Variants in FHIP2A observed in about 807,000 individuals in gnomAD.
FHIP2A encodes family with sequence similarity 160 member B1.
FHIP2A carries 46 observed loss-of-function variants against 93.5 expected under a neutral mutation model. That is an observed-to-expected ratio of 0.49 (90% confidence interval 0.39 to 0.63). The LOEUF (loss-of-function observed/expected upper bound fraction) is 0.63. FHIP2A is among the 20% of genes least tolerant of loss of function. The probability of loss-of-function intolerance (pLI) is 0.00; values close to 1 mark genes in which losing one functional copy is unlikely to be tolerated. For missense variants in FHIP2A, 769 were observed against 909.7 expected (o/e 0.85, Z 1.99); for synonymous variants, 332 against 326.5 (o/e 1.02, Z -0.18).
chr10:114,864,156 T>A lies in FHIP2A; in HGVS notation c.*2616T>A, dbSNP rs559486555. The A allele has an allele frequency of 1.0e-6, 1 of 982,294 alleles. No individual in the cohort carries two copies. Among genetic ancestry groups the A allele is most frequent in the East Asian group, 1.1e-4 (1 of 8,794 alleles). 60.8% of individuals were successfully genotyped at this position (982,294 alleles called of 1,614,324 possible). ...TAAGGACCAAAATTCTTAGCTCGCT[T>A]ACACTGTTGCTAGTGTAAACATTGT... is the stretch of plus-strand genomic sequence containing the variant. On this transcript the variant is annotated 3_prime_UTR_variant, in exon 17 of 17. Transcript: ENST00000369248.
rs201474247 is a variant in FHIP2A, at chr10:114,843,913, A to C, written c.989A>C (p.Glu330Ala). 6.3e-7 allele frequency: 1 copy of C among 1,578,616 alleles called. No homozygotes were observed. Among genetic ancestry groups the C allele is most frequent in the African/African-American group, 1.4e-5 (1 of 73,184 alleles). Residue 330 changes from glutamate (E) to alanine (A), a missense_variant, in exon 7 of 17, where the codon GAA becomes GCA. Coordinates refer to ENST00000369248, the MANE Select transcript of FHIP2A (RefSeq NM_020940.4). ...CAGTCAGTGGATCCGTTAGATATTGAAACCGTGGAAGCAATTAACTGGGGG... is the reference window on the plus strand; with the variant it reads ...CAGTCAGTGGATCCGTTAGATATTGCAACCGTGGAAGCAATTAACTGGGGG... ...LPQSVDPLDI[E>A]TVEAINWGLD...
intron 1 of FHIP2A, among the ~76,000 whole-genome samples, chr10:114,828,458 C>T (rs891955901): frequency 1.3e-5 from 2 of 152,192 alleles, no homozygotes; most frequent in Non-Finnish European, 2.9e-5. Flanking sequence ...AGCATTTACA[C>T]TTAAGAAATT....
At chr10:114,857,055 G>A (rs2083771060) in intron 14 of FHIP2A, among the ~76,000 whole-genome samples, 1 of 151,822 alleles carries the variant, frequency 6.6e-6, no homozygotes, top group Non-Finnish European at 1.5e-5. Context: ...TGTGCCTAAG[G>A]ATAGCCACTG....
intron 2 of FHIP2A, 58 bp from the exon 3 acceptor site, chr10:114,833,175 G>T (rs767019475): frequency 3.0e-6 from 4 of 1,343,170 alleles, no homozygotes; most frequent in Non-Finnish European, 3.1e-6. Flanking sequence ...AGTATTTTAG[G>T]TGCAAATATG....
chr10:114,865,309 G>C (rs974740604), downstream of FHIP2A, among the ~76,000 whole-genome samples: 4 of 152,080 alleles, frequency 2.6e-5, no homozygotes, highest in African/African-American at 9.7e-5. Flanking sequence ...TTTATTCTAA[G>C]CATTATTTCT....
Position 114,855,196 on chromosome 10 carries a change from G to A in FHIP2A, c.1804-1G>A, listed in dbSNP as rs1398963956. ...TGATTCACATGCTTTTTTCCCCCTAGTTCCGAGACTACTGTGCTATCTGCT... is the reference window on the plus strand; with the variant it reads ...TGATTCACATGCTTTTTTCCCCCTAATTCCGAGACTACTGTGCTATCTGCT... On this transcript the variant is annotated splice_acceptor_variant, in intron 13 of 16. Transcript: ENST00000369248. LOFTEE classifies it high-confidence loss of function. The A allele has an allele frequency of 6.2e-7, 1 of 1,604,516 alleles. No individual in the cohort carries two copies. The highest frequency in any genetic ancestry group is 8.5e-7 in the Non-Finnish European group (1 of 1,175,982).
chr10:114,870,183 T>C (rs1274981229), intron 16 of FHIP2A, among the ~76,000 whole-genome samples: 2 of 152,180 alleles, frequency 1.3e-5, no homozygotes, highest in African/African-American at 4.8e-5. Context: ...ATTCAACTAA[T>C]ACCATTAACT....
rs866977661 is a variant in FHIP2A, at chr10:114,863,995, A to G, written c.*2455A>G. On this transcript the variant is annotated 3_prime_UTR_variant, in exon 17 of 17. Transcript: ENST00000369248. ...CAGATTTGTCTTAGCCTATTGCCAT[A>G]TAGTACTCACCTTATAACTATGTAA... 6.7e-6 allele frequency: 7 copies of G among 1,051,866 alleles called. No individual in the cohort carries two copies. Among genetic ancestry groups the G allele is most frequent in the African/African-American group, 1.7e-5 (1 of 58,134 alleles). The allele number at this position is 1,051,866 out of a possible 1,614,324, so 65.2% of individuals were successfully genotyped here.
chr10:114,879,772 G>A (rs113281048), intron 16 of FHIP2A, among the ~76,000 whole-genome samples: 4,895 of 152,140 alleles, frequency 0.032, 111 homozygotes, highest in Middle Eastern at 0.041. Flanking sequence ...ATTGCCTGGC[G>A]TAATACAAGG....
chr10:114,833,319 G>A lies in FHIP2A; in HGVS notation c.211G>A (p.Glu71Lys). ...ACTGGTTCAAGAAGAAAATGAACGGGAATCTGGAGAGACAGGGCCATGTAT... is the reference window on the plus strand; with the variant it reads ...ACTGGTTCAAGAAGAAAATGAACGGAAATCTGGAGAGACAGGGCCATGTAT... Reference protein sequence around the residue: ...DILVQEENERESGETGPCMEY... With the variant: ...DILVQEENERKSGETGPCMEY... The change falls in exon 3 of 17, where the codon GAA becomes AAA. Residue 71 changes from glutamate (E) to lysine (K), a missense_variant. Physicochemically the swap from Glu to Lys is moderately conservative, Grantham distance 56. Coordinates refer to ENST00000369248, the MANE Select transcript of FHIP2A (RefSeq NM_020940.4). The A allele has an allele frequency of 6.2e-7, 1 of 1,613,900 alleles. No individual in the cohort carries two copies. The highest frequency in any genetic ancestry group is 8.5e-7 in the Non-Finnish European group (1 of 1,179,826).
In FHIP2A at chr10:114,845,267, T is replaced by C. The variant is rs2083693793; in HGVS notation, c.1014-100T>C. The C allele has an allele frequency of 6.2e-6, 4 of 643,532 alleles. No homozygotes were observed. The South Asian group carries it at 8.4e-5, about 13-fold the overall frequency. The allele number at this position is 643,532 out of a possible 1,614,324, so 39.9% of individuals were successfully genotyped here. A position where few individuals can be genotyped will look rare whatever the true frequency, so the allele number is the denominator to read the frequency against. ...CATTTCCTGTGTGAATGTACCATAC[T>C]ATCTGAGTGTGTTCATGTGCCTTCA... On this transcript the variant is annotated intron_variant, in intron 7 of 16. Transcript: ENST00000369248.
chr10:114,884,929 CA>C (rs2083934970), intron 16 of FHIP2A, among the ~76,000 whole-genome samples: 1 of 146,582 alleles, frequency 6.8e-6, no homozygotes, highest in African/African-American at 2.5e-5. Flanking sequence ...AAAAAAAAGC[CA>C]ATATATGTAG....
chr10:114,837,179 T>C (rs1325609748), intron 5 of FHIP2A, among the ~76,000 whole-genome samples: 4 of 152,108 alleles, frequency 2.6e-5, no homozygotes, highest in Admixed American at 1.3e-4. Context: ...TCTGGTATTA[T>C]AGGTGTGAGC....
In FHIP2A at chr10:114,821,895, C is replaced by T; in HGVS notation, c.-184C>T. 1 of 307,648 alleles carries T rather than the reference C, an allele frequency of 3.3e-6. No homozygotes were observed. The highest frequency in any genetic ancestry group is 6.0e-6 in the Non-Finnish European group (1 of 167,968). 19.1% of individuals were successfully genotyped at this position (307,648 alleles called of 1,614,324 possible). A position where few individuals can be genotyped will look rare whatever the true frequency, so the allele number is the denominator to read the frequency against. ...CGCGTCCCGGCGCCCTCCGGAGCCG[C>T]CGAGCCGCCCGCGCACACCTGAAGC... On this transcript the variant is annotated 5_prime_UTR_variant, in exon 1 of 17. Transcript: ENST00000369248.
intron 14 of FHIP2A, among the ~76,000 whole-genome samples, chr10:114,857,226 C>T (rs1203172787): frequency 1.3e-5 from 2 of 151,856 alleles, no homozygotes; most frequent in African/African-American, 4.8e-5. Context: ...CATTTTTGGC[C>T]TAGTTTTACT....
Position 114,845,499 on chromosome 10 carries a change from G to A in FHIP2A, c.1128+18G>A, listed in dbSNP as rs780030571. 2 of 1,455,754 alleles carry A rather than the reference G, an allele frequency of 1.4e-6. No homozygotes were observed. The highest frequency in any genetic ancestry group is 1.2e-5 in the South Asian group (1 of 85,162). The allele number at this position is 1,455,754 out of a possible 1,614,324, so 90.2% of individuals were successfully genotyped here. ...CCCAAAAGGTTTGTAATTTTTTATTGTTTTTTGATCATTTTAAGATATAAA... is the reference window on the plus strand; with the variant it reads ...CCCAAAAGGTTTGTAATTTTTTATTATTTTTTGATCATTTTAAGATATAAA... On this transcript the variant is annotated intron_variant, in intron 8 of 16. Transcript: ENST00000369248.
intron 16 of FHIP2A, among the ~76,000 whole-genome samples, chr10:114,877,115 C>T (rs2083893343): frequency 6.6e-6 from 1 of 152,146 alleles, no homozygotes; most frequent in Non-Finnish European, 1.5e-5. Context: ...GACAAACGTA[C>T]AACGAACTCA....
chr10:114,875,932 G>GAAAGAA (rs746433082), intron 16 of FHIP2A, among the ~76,000 whole-genome samples: 13 of 135,724 alleles, frequency 9.6e-5, no homozygotes, highest in East Asian at 4.5e-4. Context: ...AAGAAAGAAA[G>GAAAGAA]AGAAAGAAAA....
intron 16 of FHIP2A, among the ~76,000 whole-genome samples, chr10:114,892,453 C>T (rs2083979966): frequency 6.6e-6 from 1 of 152,094 alleles, no homozygotes; most frequent in Non-Finnish European, 1.5e-5. Flanking sequence ...GCCTGGCCAA[C>T]ATGGTGATAC....
Sources: gnomAD v4.1 joint callset for allele counts (sites outside exome capture counted in the v4.1 genomes callset) on GRCh38, gnomAD v4.1.1 for gene constraint, MANE v1.5 for transcripts, NCBI Gene and HGNC (gene_info 2026-07-23, HGNC 2026-07-21) for gene names.